The following OR9Q1 variants were observed in gnomAD, a reference collection of about 807,000 sequenced individuals.
The protein encoded by OR9Q1 is olfactory receptor 9Q1.
For missense variants in OR9Q1, 374 were observed against 378.8 expected (o/e 0.99, Z 0.11); for synonymous variants, 153 against 148.6 (o/e 1.03, Z -0.22).
chr11:58,053,607 T>TAA (rs1425174249), intron 1 of OR9Q1, among the ~76,000 whole-genome samples: 889 of 76,952 alleles, frequency 0.012, 12 homozygotes, highest in African/African-American at 0.038. Context: ...ATAATAAAAT[T>TAA]AAAAAATATA....
chr11:58,074,588 G>A (rs1354127277), intron 2 of OR9Q1, among the ~76,000 whole-genome samples: 1 of 152,006 alleles, frequency 6.6e-6, no homozygotes, highest in Non-Finnish European at 1.5e-5. Flanking sequence ...TTCCTTTGCT[G>A]TGCAGAAGTT....
intron 2 of OR9Q1, among the ~76,000 whole-genome samples, chr11:58,056,847 G>A (rs1389922998): frequency 6.6e-6 from 1 of 152,076 alleles, no homozygotes; most frequent in Non-Finnish European, 1.5e-5. Context: ...CCATCCCCAA[G>A]CCTCTCACTG....
At chr11:58,172,414 A>C (rs1449146154) in intron 2 of OR9Q1, among the ~76,000 whole-genome samples, 8 of 152,166 alleles carry the variant, frequency 5.3e-5, no homozygotes, top group Non-Finnish European at 1.0e-4. Flanking sequence ...AGAATGATTA[A>C]ATTTGGGAAC....
At chr11:58,077,971 A>T (rs2441967) in intron 2 of OR9Q1, 139,730 of 151,990 alleles carry the variant, frequency 0.92, 64,606 homozygotes, top group South Asian at 0.97. Context: ...AGCCTGGTCA[A>T]CATGGCAAAA....
intron 2 of OR9Q1, among the ~76,000 whole-genome samples, chr11:58,080,972 C>T (rs1435779820): frequency 1.3e-5 from 2 of 152,038 alleles, no homozygotes. Flanking sequence ...CCCCTTGTCC[C>T]CCACCCCCCG....
chr11:58,129,212 C>T (rs1854117265), intron 2 of OR9Q1, among the ~76,000 whole-genome samples: 1 of 151,088 alleles, frequency 6.6e-6, no homozygotes, highest in Non-Finnish European at 1.5e-5. Flanking sequence ...TTAAACCAAC[C>T]ACAAAGGGCC....
chr11:58,155,652 C>T (rs1854400854), intron 2 of OR9Q1, among the ~76,000 whole-genome samples: 1 of 152,176 alleles, frequency 6.6e-6, no homozygotes, highest in South Asian at 2.1e-4. Flanking sequence ...TTTGATGCTG[C>T]CTCCATTATT....
intron 2 of OR9Q1, among the ~76,000 whole-genome samples, chr11:58,140,056 ATG>A (rs1565087850): frequency 6.6e-6 from 1 of 151,858 alleles, no homozygotes; most frequent in Admixed American, 6.6e-5. Flanking sequence ...GCATTTTTTC[ATG>A]TGTCTTTTGG....
intron 1 of OR9Q1, among the ~76,000 whole-genome samples, chr11:58,053,321 C>T (rs1437670134): frequency 1.3e-5 from 2 of 151,220 alleles, no homozygotes; most frequent in African/African-American, 2.4e-5. Flanking sequence ...AATTGGAAAT[C>T]ATCATTCTCA....
At chr11:58,141,430 G>A (rs915778595) in intron 2 of OR9Q1, among the ~76,000 whole-genome samples, 1 of 152,152 alleles carries the variant, frequency 6.6e-6, no homozygotes, top group Admixed American at 6.5e-5. Flanking sequence ...TAGCATGAAT[G>A]GTTGTTGAAT....
rs368542807 is a variant in OR9Q1 at position 58,133,056 on chromosome 11, G to A, written c.-14-46375G>A. 7.9e-5 allele frequency among the ~76,000 whole-genome samples: 12 copies of A among 152,222 alleles called. No individual in the cohort carries two copies. In the South Asian group the frequency reaches 1.7e-3, roughly 21 times the overall value. On this transcript the variant is annotated intron_variant, in intron 2 of 2. Transcript: ENST00000335397. ...CCCACTTAGACACCACATTCTACCT[G>A]CGCTCAGCCCAGCCTTCCAGACTGG...
chr11:58,076,132 GAA>G (rs1299787348), intron 2 of OR9Q1, among the ~76,000 whole-genome samples: 2 of 152,226 alleles, frequency 1.3e-5, no homozygotes, highest in Non-Finnish European at 2.9e-5. Context: ...CCTTTATGGA[GAA>G]AACTTTTTGG....
At chr11:58,033,045 A>T (rs1355992830) in intron 1 of OR9Q1, among the ~76,000 whole-genome samples, 13 of 152,238 alleles carry the variant, frequency 8.5e-5, no homozygotes, top group Admixed American at 6.5e-4. Flanking sequence ...GCAAATGAAA[A>T]CATAATGAGA....
chr11:58,054,650 G>A (rs1451042271), intron 1 of OR9Q1, among the ~76,000 whole-genome samples: 3 of 152,168 alleles, frequency 2.0e-5, no homozygotes, highest in Non-Finnish European at 4.4e-5. Flanking sequence ...TGCATGCGTT[G>A]AGGCCAGGTG....
At chr11:58,031,464 C>T (rs1853036749) in intron 1 of OR9Q1, 2 of 1,614,170 alleles carry the variant, frequency 1.2e-6, no homozygotes, top group Non-Finnish European at 1.7e-6. Context: ...TCTCAGCTAA[C>T]ATTTTATGGC....
At chr11:58,164,213 A>G (rs1239519693) in intron 2 of OR9Q1, among the ~76,000 whole-genome samples, 4 of 152,114 alleles carry the variant, frequency 2.6e-5, no homozygotes, top group Non-Finnish European at 5.9e-5. Flanking sequence ...AGAGAATGAT[A>G]AAATTAAATC....
intron 2 of OR9Q1, among the ~76,000 whole-genome samples, chr11:58,080,975 A>C (rs1853581868): frequency 2.8e-5 from 4 of 142,064 alleles, no homozygotes; most frequent in Admixed American, 7.1e-5. Flanking sequence ...CTTGTCCCCC[A>C]CCCCCCGACA....
intron 1 of OR9Q1, among the ~76,000 whole-genome samples, chr11:58,033,933 C>T (rs937115544): frequency 5.9e-5 from 9 of 152,046 alleles, no homozygotes; most frequent in African/African-American, 2.2e-4. Flanking sequence ...CTTTTTCTGG[C>T]AAGAGTCCAC....
intron 2 of OR9Q1, chr11:58,125,249 C>CCCCAA (rs141493207): frequency 2.5e-5 from 2 of 81,212 alleles, no homozygotes; most frequent in Non-Finnish European, 4.6e-5. Context: ...GCCCCCCCCC[C>CCCCAA]AAAAAAAAGC....
Sources: allele counts gnomAD v4.1 joint callset (sites outside exome capture counted in the v4.1 genomes callset), GRCh38; gene constraint gnomAD v4.1.1; transcripts MANE v1.5; gene names NCBI Gene and HGNC (gene_info 2026-07-23, HGNC 2026-07-21).